Variants in AMMECR1 observed in about 807,000 individuals in gnomAD.
AMMECR1 encodes the protein nuclear protein AMMECR1.
A neutral mutation model predicts 22.5 loss-of-function variants in AMMECR1; 3 were observed. The observed-to-expected ratio is 0.13, with a 90% CI of 0.06 to 0.35. The LOEUF (loss-of-function observed/expected upper bound fraction) is 0.35. AMMECR1 is among the 10% of genes least tolerant of loss of function. The pLI, the probability that AMMECR1 is intolerant of heterozygous loss-of-function variation, is 1.00. For missense variants in AMMECR1, 235 were observed against 278.7 expected (o/e 0.84, Z 1.12); for synonymous variants, 130 against 116.7 (o/e 1.11, Z -0.74).
At chrX:110,208,321 C>A (rs1191673114) in intron 3 of AMMECR1, among the ~76,000 whole-genome samples, 1 of 112,701 alleles carries the variant, frequency 8.9e-6, no homozygotes, top group Non-Finnish European at 1.9e-5. Context: ...ACCTCTGCTT[C>A]ATCATCTGTC....
intron 2 of AMMECR1, among the ~76,000 whole-genome samples, chrX:110,423,700 T>C (rs1351633970): frequency 8.9e-6 from 1 of 112,593 alleles, no homozygotes; most frequent in Non-Finnish European, 1.9e-5. Context: ...CAAACACTTA[T>C]TCACACTCTG....
rs779867197 is a variant in AMMECR1, at chrX:110,230,015, G to C, written c.585-13383C>G. On this transcript the variant is annotated intron_variant, in intron 2 of 5. Transcript: ENST00000262844. ...CAAAGCAGCCAGGAAGCTCGAACTG[G>C]GCGGAGCCCACCTCAGCTCAACAAC... 2.8e-3 allele frequency among the ~76,000 whole-genome samples: 318 copies of C among 113,001 alleles called. 1 individual carries two copies. Among genetic ancestry groups the C allele is most frequent in the African/African-American group, 9.0e-3 (280 of 31,195 alleles).
intron 2 of AMMECR1, among the ~76,000 whole-genome samples, chrX:110,372,519 C>T (rs1248753266): frequency 9.0e-6 from 1 of 111,125 alleles, no homozygotes; most frequent in Non-Finnish European, 1.9e-5. Context: ...AACTTAACAA[C>T]ACACCTGTCT....
intron 1 of AMMECR1, among the ~76,000 whole-genome samples, chrX:110,301,872 G>GA (rs1383708080): frequency 1.8e-5 from 2 of 110,926 alleles, no homozygotes; most frequent in East Asian, 2.8e-4. Context: ...AAACATATTA[G>GA]AAAAAAAATT....
At chrX:110,327,080 A>G (rs1347505582) in intron 2 of AMMECR1, among the ~76,000 whole-genome samples, 1 of 112,055 alleles carries the variant, frequency 8.9e-6, no homozygotes, top group Non-Finnish European at 1.9e-5. Context: ...ACTTCTTGAC[A>G]ATGTAAGTTT....
At chrX:110,320,176 A>G (rs1332924288), upstream of AMMECR1, among the ~76,000 whole-genome samples, 1 of 112,162 alleles carries the variant, frequency 8.9e-6, no homozygotes, top group Non-Finnish European at 1.9e-5. Flanking sequence ...TGGAGTAAAA[A>G]AATGCATTAA....
intron 1 of AMMECR1, among the ~76,000 whole-genome samples, chrX:110,277,848 CTTT>C (rs755292636): frequency 3.6e-5 from 4 of 111,914 alleles, no homozygotes; most frequent in African/African-American, 9.8e-5. Flanking sequence ...ATATTTCCTT[CTTT>C]AAGCCCATGC....
intron 3 of AMMECR1, among the ~76,000 whole-genome samples, chrX:110,212,894 T>A (rs1001091549): frequency 1.8e-5 from 2 of 111,383 alleles, no homozygotes; most frequent in Non-Finnish European, 1.9e-5. Context: ...GGAAAAAAAA[T>A]TTTAAAAAGT....
chrX:110,202,116 C>T (rs1298525640), intron 4 of AMMECR1, among the ~76,000 whole-genome samples: 1 of 112,172 alleles, frequency 8.9e-6, no homozygotes, highest in African/African-American at 3.2e-5. Context: ...AAACAAAAGG[C>T]TTGTTTATGC....
At chrX:110,199,587 T>A (rs764536330) in intron 5 of AMMECR1, among the ~76,000 whole-genome samples, 4 of 111,390 alleles carry the variant, frequency 3.6e-5, no homozygotes, top group African/African-American at 1.3e-4. Flanking sequence ...CTACTTTGAT[T>A]AAAGGGATTA....
At chrX:110,246,962 T>C (rs190774944) in intron 2 of AMMECR1, among the ~76,000 whole-genome samples, 31 of 112,317 alleles carry the variant, frequency 2.8e-4, no homozygotes, top group Admixed American at 2.6e-3. Flanking sequence ...CTTAGCAGAA[T>C]TTCTGCTTTA....
rs149835668 is a variant in AMMECR1 at position 110,231,295 on chromosome X, C to A, written c.585-14663G>T. Among the ~76,000 whole-genome samples the A allele has an allele frequency of 8.1e-3, 909 of 112,214 alleles. 33 individuals are homozygous for A. Among genetic ancestry groups the A allele is most frequent in the Admixed American group, 0.079 (831 of 10,582 alleles). On this transcript the variant is annotated intron_variant, in intron 2 of 5. Coordinates refer to ENST00000262844, the MANE Select transcript of AMMECR1 (RefSeq NM_015365.3). ...AGCCAGAGAGAAAGGTCCAGTTACCCACAAAGGGAACAGCGGATCTCTCAG... is the reference window on the plus strand; with the variant it reads ...AGCCAGAGAGAAAGGTCCAGTTACCAACAAAGGGAACAGCGGATCTCTCAG...
At position 110,219,968 on chromosome X, in the gene AMMECR1, G is replaced by A. The variant is rs780809407; in HGVS notation, c.585-3336C>T. On this transcript the variant is annotated intron_variant, in intron 2 of 5. Coordinates refer to ENST00000262844, the MANE Select transcript of AMMECR1 (RefSeq NM_015365.3). ...AGGATTTAAGAGATTACAAAAAGAT[G>A]AAAATACAGCTGGAGACTGACCTCA... Among the ~76,000 whole-genome samples the A allele has an allele frequency of 6.2e-5, 7 of 112,170 alleles. 1 individual carries two copies. The highest frequency in any genetic ancestry group is 2.3e-4 in the African/African-American group (7 of 30,965).
At chrX:110,210,290 AG>A (rs1251259216) in intron 3 of AMMECR1, among the ~76,000 whole-genome samples, 6 of 110,747 alleles carry the variant, frequency 5.4e-5, no homozygotes, top group African/African-American at 2.0e-4. Context: ...GCATCAAGAA[AG>A]GACTAATCTT....
At chrX:110,218,293 A>T (rs1236058261) in intron 2 of AMMECR1, among the ~76,000 whole-genome samples, 1 of 111,787 alleles carries the variant, frequency 8.9e-6, no homozygotes, top group Non-Finnish European at 1.9e-5. Context: ...CTGTTAAAAG[A>T]AGAAAAAGAG....
At chrX:110,263,803 A>T (rs756546394) in intron 2 of AMMECR1, among the ~76,000 whole-genome samples, 11 of 112,033 alleles carry the variant, frequency 9.8e-5, no homozygotes, top group Admixed American at 1.9e-4. Flanking sequence ...TATTTAAGGA[A>T]TTTTCTTCTT....
upstream of AMMECR1, among the ~76,000 whole-genome samples, chrX:110,323,047 T>G (rs1009604356): frequency 2.7e-5 from 3 of 111,657 alleles, no homozygotes; most frequent in Non-Finnish European, 5.7e-5. Context: ...TTCTGCATCT[T>G]CCACAAGATT....
chrX:110,377,532 G>A (rs932198642), intron 2 of AMMECR1, among the ~76,000 whole-genome samples: 1 of 111,592 alleles, frequency 9.0e-6, no homozygotes, highest in Non-Finnish European at 1.9e-5. Context: ...TAAAAGGCTC[G>A]AACTATTATG....
At chrX:110,221,037 T>C (rs1355116898) in intron 2 of AMMECR1, among the ~76,000 whole-genome samples, 1 of 112,691 alleles carries the variant, frequency 8.9e-6, no homozygotes, top group African/African-American at 3.2e-5. Context: ...TTCTAAAATA[T>C]TGTTGACCTT....
Sources: gnomAD v4.1 joint callset for allele counts (sites outside exome capture counted in the v4.1 genomes callset) on GRCh38, gnomAD v4.1.1 for gene constraint, MANE v1.5 for transcripts, NCBI Gene and HGNC (gene_info 2026-07-23, HGNC 2026-07-21) for gene names.